The following JAM2 variants were observed in gnomAD, a reference collection of about 807,000 sequenced individuals.
JAM2 encodes junctional adhesion molecule 2.
A neutral mutation model predicts 42.0 loss-of-function variants in JAM2; 17 were observed. The observed-to-expected ratio is 0.40, with a 90% CI of 0.28 to 0.61. The LOEUF is 0.61. Ranked by LOEUF, JAM2 falls within the 20% of genes least tolerant of loss-of-function variation. The pLI, the probability that JAM2 is intolerant of heterozygous loss-of-function variation, is 0.37. For synonymous variants in JAM2, 118 were observed against 128.6 expected (o/e 0.92, Z 0.56); for missense variants, 319 against 358.3 (o/e 0.89, Z 0.89).
chr21:25,714,456 C>T, intron 9 of JAM2, 184 bp from the exon 10 acceptor site: 1 of 505,400 alleles, frequency 2.0e-6, no homozygotes, highest in Non-Finnish European at 3.4e-6. Context: ...TGAGATCACG[C>T]CACTGCAGTC....
chr21:25,670,460 T>C (rs762619077), intron 1 of JAM2, among the ~76,000 whole-genome samples: 4 of 151,890 alleles, frequency 2.6e-5, no homozygotes, highest in Non-Finnish European at 5.9e-5. Flanking sequence ...CACTCCAGCC[T>C]GGGTGGCAGA....
intron 1 of JAM2, among the ~76,000 whole-genome samples, chr21:25,660,783 T>TATATATATATATATATATA (rs59547156): frequency 1.0e-3 from 37 of 36,294 alleles, no homozygotes; most frequent in South Asian, 3.8e-3. Flanking sequence ...TATATATATA[T>TATATATATATATATATATA]TTTTTTTTTT....
At chr21:25,676,739 A>G (rs192829511) in intron 1 of JAM2, among the ~76,000 whole-genome samples, 6 of 152,312 alleles carry the variant, frequency 3.9e-5, no homozygotes, top group Non-Finnish European at 7.3e-5. Flanking sequence ...TTTGTTCTGG[A>G]AAAGTGAAGA....
intron 6 of JAM2, among the ~76,000 whole-genome samples, chr21:25,703,759 CT>C (rs34550027): frequency 1.3e-5 from 1 of 76,618 alleles, no homozygotes; most frequent in Non-Finnish European, 2.8e-5. Flanking sequence ...TTTATAAAGA[CT>C]TTTTTTTCAA....
chr21:25,660,367 C>T (rs2033046127), intron 1 of JAM2, among the ~76,000 whole-genome samples: 1 of 152,174 alleles, frequency 6.6e-6, no homozygotes, highest in Admixed American at 6.5e-5. Flanking sequence ...AAGCATTCAA[C>T]TTTCTATTAA....
chr21:25,649,604 A>G (rs2032715412), intron 1 of JAM2, among the ~76,000 whole-genome samples: 1 of 152,164 alleles, frequency 6.6e-6, no homozygotes, highest in Non-Finnish European at 1.5e-5. Flanking sequence ...GTTAGTTGTA[A>G]AAGTTCTACT....
At chr21:25,695,410 T>A (rs950734015) in intron 4 of JAM2, among the ~76,000 whole-genome samples, 1 of 152,340 alleles carries the variant, frequency 6.6e-6, no homozygotes, top group South Asian at 2.1e-4. Context: ...CTGATTTCTC[T>A]ATCTTTTCCC....
chr21:25,662,412 A>C (rs1279920071), intron 1 of JAM2, among the ~76,000 whole-genome samples: 1 of 147,142 alleles, frequency 6.8e-6, no homozygotes, highest in Non-Finnish European at 1.5e-5. Flanking sequence ...AGCCTCCCAG[A>C]GTGCTAGGAT....
intron 9 of JAM2, 26 bp downstream of exon 9, chr21:25,712,408 AGAAT>A (rs2034402648): frequency 1.3e-6 from 2 of 1,498,470 alleles, no homozygotes; most frequent in Admixed American, 3.4e-5. Context: ...GCATATTTAT[AGAAT>A]GAATATGTTT....
chr21:25,678,773 A>G (rs2033559038), intron 1 of JAM2, among the ~76,000 whole-genome samples: 1 of 152,202 alleles, frequency 6.6e-6, no homozygotes, highest in Admixed American at 6.5e-5. Context: ...TATACTAGAA[A>G]TCTAGTAATT....
chr21:25,712,731 A>G (rs1209624991), intron 9 of JAM2, among the ~76,000 whole-genome samples: 2 of 152,198 alleles, frequency 1.3e-5, no homozygotes, highest in Non-Finnish European at 2.9e-5. Context: ...ACAGGGTAAC[A>G]GTGGTGGAGC....
intron 1 of JAM2, among the ~76,000 whole-genome samples, chr21:25,683,527 C>T (rs2033683917): frequency 6.6e-6 from 1 of 151,766 alleles, no homozygotes. Flanking sequence ...AGAGAATTAG[C>T]TTTTATTTGT....
At chr21:25,663,706 G>C (rs1250502643) in intron 1 of JAM2, among the ~76,000 whole-genome samples, 2 of 152,172 alleles carry the variant, frequency 1.3e-5, no homozygotes, top group Non-Finnish European at 2.9e-5. Flanking sequence ...TCTTCAGAGA[G>C]TCCCCACCAG....
chr21:25,709,292 A>T lies in JAM2; in HGVS notation c.806-142A>T. On this transcript the variant is annotated intron_variant, in intron 7 of 9. Transcript: ENST00000480456. The stretch of plus-strand genomic sequence containing the variant: ...GGCTCTTTACCAAAAAAGTTTGCCA[A>T]CTCTTAATTTAGAAGGTATAAACGT... The T allele has an allele frequency of 2.0e-6, 1 of 492,406 alleles. No homozygotes were observed. Among genetic ancestry groups the T allele is most frequent in the Non-Finnish European group, 3.6e-6 (1 of 280,770 alleles). 30.5% of individuals were successfully genotyped at this position (492,406 alleles called of 1,614,324 possible).
chr21:25,694,995 T>C (rs2033969883), intron 4 of JAM2, among the ~76,000 whole-genome samples: 1 of 149,324 alleles, frequency 6.7e-6, no homozygotes, highest in South Asian at 2.1e-4. Context: ...TTTTTTTTAG[T>C]ATTTATTGAT....
intron 1 of JAM2, among the ~76,000 whole-genome samples, chr21:25,641,573 A>C (rs2032444361): frequency 6.7e-6 from 1 of 149,218 alleles, no homozygotes; most frequent in Admixed American, 6.8e-5. Context: ...GCATTGCAAG[A>C]GTGTTTTCTT....
chr21:25,682,866 C>G (rs1378781910), intron 1 of JAM2, among the ~76,000 whole-genome samples: 8 of 152,044 alleles, frequency 5.3e-5, no homozygotes, highest in Admixed American at 4.6e-4. Context: ...CCGAATACTT[C>G]TCTGACCACC....
intron 2 of JAM2, among the ~76,000 whole-genome samples, chr21:25,686,815 G>T (rs2033761728): frequency 6.6e-6 from 1 of 152,170 alleles, no homozygotes; most frequent in African/African-American, 2.4e-5. Context: ...ATAATTAGCA[G>T]TACAGAATCC....
chr21:25,647,819 A>T (rs1412742606), intron 1 of JAM2, among the ~76,000 whole-genome samples: 1 of 152,264 alleles, frequency 6.6e-6, no homozygotes, highest in Non-Finnish European at 1.5e-5. Flanking sequence ...AAAGGAGACC[A>T]AAGAGGAAAT....
Sources: allele counts gnomAD v4.1 joint callset (sites outside exome capture counted in the v4.1 genomes callset), GRCh38; gene constraint gnomAD v4.1.1; transcripts MANE v1.5; gene names NCBI Gene and HGNC (gene_info 2026-07-23, HGNC 2026-07-21).